The following PYY variants were observed in gnomAD, a reference collection of about 807,000 sequenced individuals.
The protein encoded by PYY is peptide YY.
PYY carries 12 observed loss-of-function variants against 10.3 expected under a neutral mutation model. The observed-to-expected ratio is 1.17, with a 90% confidence interval of 0.75 to 1.89. The LOEUF (loss-of-function observed/expected upper bound fraction) is 1.89, where lower values mean the gene tolerates loss of function less well. Among genes scored for constraint, PYY ranks in the 40% most tolerant of loss-of-function variants. The pLI is 0.00. For missense variants in PYY, 141 were observed against 134.0 expected (o/e 1.05, Z -0.26); for synonymous variants, 66 against 62.0 (o/e 1.06, Z -0.30).
chr17:43,968,458 G>T (rs1224826116), intron 1 of PYY, among the ~76,000 whole-genome samples: 1 of 151,986 alleles, frequency 6.6e-6, no homozygotes, highest in African/African-American at 2.4e-5. Flanking sequence ...CAAAGATATT[G>T]TAAGAAAAAA....
chr17:43,979,404 A>G (rs1371805490), intron 1 of PYY, among the ~76,000 whole-genome samples: 1 of 152,232 alleles, frequency 6.6e-6, no homozygotes, highest in Non-Finnish European at 1.5e-5. Context: ...CCGATAAAAC[A>G]TCAGGGAAGG....
intron 1 of PYY, among the ~76,000 whole-genome samples, chr17:43,981,032 C>CT (rs916509814): frequency 8.8e-4 from 124 of 140,160 alleles, no homozygotes; most frequent in South Asian, 9.0e-4. Context: ...TTTTTTTTTT[C>CT]TTTTTTTTTT....
At chr17:43,954,600 G>C (rs1428411273), upstream of PYY, among the ~76,000 whole-genome samples, 1 of 152,092 alleles carries the variant, frequency 6.6e-6, no homozygotes, top group Non-Finnish European at 1.5e-5. Flanking sequence ...CAATCTCCCC[G>C]CCAGAAGCAG....
rs983417994 is a variant in PYY at position 43,953,857 on chromosome 17, G to A, written c.-8C>T. 5 of 176,978 alleles carry A rather than the reference G, an allele frequency of 2.8e-5. No homozygotes were observed. In the South Asian group the frequency reaches 7.3e-4, roughly 26 times the overall value. 11.0% of individuals were successfully genotyped at this position (176,978 alleles called of 1,614,324 possible). The stretch of plus-strand genomic sequence containing the variant: ...GAGCCCCCAGCCACTCACAGCGATA[G>A]CTTGTGAAGCAGACGAGCAGGAGGT... On this transcript the variant is annotated 5_prime_UTR_variant, in exon 1 of 4. Transcript: ENST00000692052.
chr17:43,963,637 A>AAAG (rs1567928022), intron 2 of PYY, among the ~76,000 whole-genome samples: 3 of 149,122 alleles, frequency 2.0e-5, no homozygotes, highest in Non-Finnish European at 3.0e-5. Context: ...AGAAAGAAAG[A>AAAG]AAAGAGAGAA....
intron 1 of PYY, among the ~76,000 whole-genome samples, chr17:43,982,403 C>T (rs956520097): frequency 1.3e-5 from 2 of 152,248 alleles, no homozygotes; most frequent in African/African-American, 4.8e-5. Flanking sequence ...AGAGGAGTCT[C>T]CTCTACTGAT....
At chr17:43,988,766 TGTC>T (rs2048930975) in intron 1 of PYY, among the ~76,000 whole-genome samples, 1 of 106,848 alleles carries the variant, frequency 9.4e-6, no homozygotes, top group Admixed American at 1.2e-4. Flanking sequence ...TCTTTCTTTC[TGTC>T]TTTTTTTTTT....
At chr17:43,992,743 G>A (rs532818285) in intron 1 of PYY, among the ~76,000 whole-genome samples, 1 of 151,980 alleles carries the variant, frequency 6.6e-6, no homozygotes, top group Non-Finnish European at 1.5e-5. Context: ...AAAATTAGTC[G>A]GGTATGGTGG....
chr17:43,986,755 G>A (rs969070754), intron 1 of PYY, among the ~76,000 whole-genome samples: 6 of 152,174 alleles, frequency 3.9e-5, no homozygotes, highest in Non-Finnish European at 8.8e-5. Flanking sequence ...CACCGTCAGC[G>A]CAGCCTGCGT....
chr17:44,000,280 T>C (rs1475787878), intron 1 of PYY, among the ~76,000 whole-genome samples: 1 of 152,162 alleles, frequency 6.6e-6, no homozygotes, highest in Non-Finnish European at 1.5e-5. Context: ...ACAGGATAGA[T>C]GGAAGGTGGA....
intron 1 of PYY, among the ~76,000 whole-genome samples, chr17:43,975,700 C>G (rs1158751426): frequency 7.1e-6 from 1 of 140,940 alleles, no homozygotes; most frequent in Non-Finnish European, 1.5e-5. Context: ...GCCTGGGTGA[C>G]AGGAGTAAGA....
At chr17:44,001,368 C>A (rs1300787435) in intron 1 of PYY, among the ~76,000 whole-genome samples, 1 of 152,158 alleles carries the variant, frequency 6.6e-6, no homozygotes, top group African/African-American at 2.4e-5. Flanking sequence ...TGACAACAGG[C>A]TCTGCTCTAA....
At chr17:43,974,872 T>C (rs1597850655) in intron 1 of PYY, among the ~76,000 whole-genome samples, 1 of 152,182 alleles carries the variant, frequency 6.6e-6, no homozygotes, top group Non-Finnish European at 1.5e-5. Context: ...AGCAGACATA[T>C]ATTATTTCGA....
chr17:43,984,728 C>T (rs993978708), intron 1 of PYY, among the ~76,000 whole-genome samples: 2 of 152,224 alleles, frequency 1.3e-5, no homozygotes, highest in Non-Finnish European at 2.9e-5. Context: ...CCAGGCAGTC[C>T]TCTGCACTGC....
At chr17:43,960,844 C>T (rs1447447564) in intron 2 of PYY, among the ~76,000 whole-genome samples, 1 of 108,336 alleles carries the variant, frequency 9.2e-6, no homozygotes, top group African/African-American at 3.0e-5. Context: ...AGTAAGACTC[C>T]GTCGCAAAAA....
At chr17:43,965,789 CAAAAAAAAAA>C (rs67609128) in intron 2 of PYY, among the ~76,000 whole-genome samples, 630 of 31,924 alleles carry the variant, frequency 0.02, 3 homozygotes, top group African/African-American at 0.068. Context: ...ATCCATCTCA[CAAAAAAAAAA>C]AAAAAAAAAA....
At chr17:43,978,811 G>A (rs184476217) in intron 1 of PYY, among the ~76,000 whole-genome samples, 1 of 152,300 alleles carries the variant, frequency 6.6e-6, no homozygotes, top group East Asian at 1.9e-4. Context: ...CCCACCCCTT[G>A]GCTGGGTTGG....
intron 1 of PYY, among the ~76,000 whole-genome samples, chr17:44,001,248 G>A (rs575281031): frequency 9.2e-5 from 14 of 152,090 alleles, no homozygotes; most frequent in Non-Finnish European, 1.6e-4. Flanking sequence ...CTTAAACCTG[G>A]CTACTGTGCT....
chr17:43,967,882 C>T (rs1040459976), intron 1 of PYY, among the ~76,000 whole-genome samples: 11 of 152,120 alleles, frequency 7.2e-5, no homozygotes, highest in African/African-American at 2.4e-4. Flanking sequence ...GGCACTGGGG[C>T]TACGAGAGGG....
Sources: gnomAD v4.1 joint callset for allele counts (sites outside exome capture counted in the v4.1 genomes callset) on GRCh38, gnomAD v4.1.1 for gene constraint, MANE v1.5 for transcripts, NCBI Gene and HGNC (gene_info 2026-07-23, HGNC 2026-07-21) for gene names.